Variants in SGCZ observed in about 807,000 individuals in gnomAD.
SGCZ encodes zeta-sarcoglycan.
A neutral mutation model predicts 41.3 loss-of-function variants in SGCZ; 40 were observed. That is an observed-to-expected ratio of 0.97 (90% CI 0.75 to 1.26). The LOEUF (loss-of-function observed/expected upper bound fraction) is 1.26, where lower values mean the gene tolerates loss of function less well. Among genes scored for constraint, SGCZ ranks in the 50% most tolerant of loss-of-function variants. The probability of loss-of-function intolerance (pLI) is 0.00; values close to 1 mark genes in which losing one functional copy is unlikely to be tolerated. For synonymous variants in SGCZ, 206 were observed against 137.5 expected, an observed-to-expected ratio of 1.50 and a Z score of -3.49; for missense variants, 552 against 369.8, an observed-to-expected ratio of 1.49 and a Z score of -4.04.
chr8:14,260,252 A>G (rs890053539), intron 3 of SGCZ, among the ~76,000 whole-genome samples: 34 of 152,136 alleles, frequency 2.2e-4, no homozygotes, highest in African/African-American at 7.9e-4. Flanking sequence ...ATTTACAAGC[A>G]AAAAACAAAC....
At chr8:14,550,672 T>C (rs1803776094) in intron 2 of SGCZ, among the ~76,000 whole-genome samples, 1 of 151,916 alleles carries the variant, frequency 6.6e-6, no homozygotes, top group African/African-American at 2.4e-5. Flanking sequence ...CCTGTGCTTA[T>C]GAGGTCTTAA....
At chr8:14,417,395 T>A (rs1290672020) in intron 2 of SGCZ, among the ~76,000 whole-genome samples, 1 of 151,804 alleles carries the variant, frequency 6.6e-6, no homozygotes, top group Non-Finnish European at 1.5e-5. Context: ...AATTCAATTT[T>A]TTTACTCTTT....
intron 1 of SGCZ, among the ~76,000 whole-genome samples, chr8:14,692,617 G>A (rs1298647484): frequency 6.6e-6 from 1 of 152,108 alleles, no homozygotes; most frequent in African/African-American, 2.4e-5. Context: ...CTGCTTTGTG[G>A]AGAAATATGC....
chr8:14,948,481 A>AGG (rs1800526640), intron 1 of SGCZ, among the ~76,000 whole-genome samples: 4 of 152,058 alleles, frequency 2.6e-5, no homozygotes, highest in Admixed American at 2.6e-4. Context: ...TGAGAGAGAG[A>AGG]GAGAGAGAGA....
chr8:14,723,750 G>A (rs115010869), intron 1 of SGCZ, among the ~76,000 whole-genome samples: 7,798 of 151,816 alleles, frequency 0.051, 665 homozygotes, highest in African/African-American at 0.18. Flanking sequence ...TATTATACAT[G>A]TTTATATACA....
At chr8:14,397,027 A>T (rs1798938883) in intron 2 of SGCZ, among the ~76,000 whole-genome samples, 1 of 152,192 alleles carries the variant, frequency 6.6e-6, no homozygotes, top group Non-Finnish European at 1.5e-5. Flanking sequence ...TGAACTTTAC[A>T]GGACTCAAAT....
chr8:14,192,773 A>T (rs185589291), intron 4 of SGCZ, among the ~76,000 whole-genome samples: 45 of 152,160 alleles, frequency 3.0e-4, no homozygotes, highest in African/African-American at 1.1e-3. Context: ...GAAAGTTTTC[A>T]TGGCCACGTT....
intron 2 of SGCZ, among the ~76,000 whole-genome samples, chr8:14,462,212 T>A (rs1396613546): frequency 2.0e-5 from 3 of 151,900 alleles, no homozygotes; most frequent in Non-Finnish European, 4.4e-5. Context: ...ATTTGCACTT[T>A]TGTGAAGAAG....
chr8:14,935,137 C>A (rs1441838841), intron 1 of SGCZ, among the ~76,000 whole-genome samples: 1 of 150,438 alleles, frequency 6.6e-6, no homozygotes, highest in Non-Finnish European at 1.5e-5. Context: ...TATATTTAAA[C>A]AGGCTGATTT....
intron 1 of SGCZ, among the ~76,000 whole-genome samples, chr8:14,818,207 G>C (rs1801964450): frequency 6.6e-6 from 1 of 152,058 alleles, no homozygotes; most frequent in Non-Finnish European, 1.5e-5. Flanking sequence ...CCTGTCAACA[G>C]CCACTGCCTC....
At chr8:14,474,356 G>T (rs1417254387) in intron 2 of SGCZ, among the ~76,000 whole-genome samples, 1 of 151,956 alleles carries the variant, frequency 6.6e-6, no homozygotes, top group East Asian at 1.9e-4. Flanking sequence ...ATGCATTTTG[G>T]GTCTATAGAC....
intron 1 of SGCZ, among the ~76,000 whole-genome samples, chr8:14,639,147 GTGA>G: frequency 6.7e-6 from 1 of 150,338 alleles, no homozygotes; most frequent in Admixed American, 6.7e-5. Flanking sequence ...CCAGGTTCAA[GTGA>G]TTCTCCTGTC....
intron 3 of SGCZ, among the ~76,000 whole-genome samples, chr8:14,268,035 ATTTAC>A (rs996963699): frequency 2.0e-5 from 3 of 151,200 alleles, no homozygotes; most frequent in African/African-American, 4.8e-5. Context: ...TTATAGCCTA[ATTTAC>A]TTTTTCTTCA....
At chr8:14,866,254 T>C (rs1247528794) in intron 1 of SGCZ, among the ~76,000 whole-genome samples, 1 of 152,150 alleles carries the variant, frequency 6.6e-6, no homozygotes, top group African/African-American at 2.4e-5. Context: ...GATAATTTTT[T>C]AAAAGTTTAT....
chr8:14,727,676 A>T (rs377066466), intron 1 of SGCZ, among the ~76,000 whole-genome samples: 2 of 151,734 alleles, frequency 1.3e-5, no homozygotes, highest in East Asian at 3.9e-4. Context: ...ACGCCCGGCT[A>T]ATTTTTGTTG....
intron 3 of SGCZ, among the ~76,000 whole-genome samples, chr8:14,275,731 A>T (rs1188050993): frequency 6.6e-6 from 1 of 152,046 alleles, no homozygotes; most frequent in Non-Finnish European, 1.5e-5. Context: ...ACTGCTGGAG[A>T]TCCCTACCGT....
intron 1 of SGCZ, among the ~76,000 whole-genome samples, chr8:15,176,902 G>C (rs1800016024): frequency 6.6e-6 from 1 of 152,150 alleles, no homozygotes; most frequent in South Asian, 2.1e-4. Context: ...TCAGGAGGCT[G>C]AGGCAGGACA....
At chr8:14,879,065 C>T (rs1804477827) in intron 1 of SGCZ, 1 of 152,162 alleles carries the variant, frequency 6.6e-6, no homozygotes, top group African/African-American at 2.4e-5. Context: ...TGGCTCATGC[C>T]TGTAATTCCA....
At chr8:14,430,068 C>A (rs973807558) in intron 2 of SGCZ, among the ~76,000 whole-genome samples, 1 of 151,892 alleles carries the variant, frequency 6.6e-6, no homozygotes, top group African/African-American at 2.4e-5. Flanking sequence ...GTTAATCTGG[C>A]CAGTGGTCTC....
Sources: gnomAD v4.1 joint callset for allele counts (sites outside exome capture counted in the v4.1 genomes callset) on GRCh38, gnomAD v4.1.1 for gene constraint, MANE v1.5 for transcripts, NCBI Gene and HGNC (gene_info 2026-07-23, HGNC 2026-07-21) for gene names.